The following MTMR12 variants were observed in gnomAD, a reference collection of about 807,000 sequenced individuals.
The protein encoded by MTMR12 is myotubularin-related protein 12.
A neutral mutation model predicts 96.7 loss-of-function variants in MTMR12; 33 were observed. The ratio of observed to expected loss-of-function variants is 0.34; its 90% CI spans 0.26 to 0.46. The LOEUF (loss-of-function observed/expected upper bound fraction) is 0.46. Among genes scored for constraint, MTMR12 ranks in the 20% least tolerant of loss-of-function variants. The pLI, the probability that MTMR12 is intolerant of heterozygous loss-of-function variation, is 1.00. For missense variants in MTMR12, 721 were observed against 896.1 expected (o/e 0.80, Z 2.49); for synonymous variants, 298 against 327.2 (o/e 0.91, Z 0.96).
At chr5:32,259,750 C>T (rs946919136) in intron 7 of MTMR12, among the ~76,000 whole-genome samples, 1 of 152,082 alleles carries the variant, frequency 6.6e-6, no homozygotes, top group Non-Finnish European at 1.5e-5. Context: ...TAAGTGGTAC[C>T]TGGGGCTGGG....
At chr5:32,273,616 A>C (rs931350595) in intron 3 of MTMR12, among the ~76,000 whole-genome samples, 12 of 152,196 alleles carry the variant, frequency 7.9e-5, no homozygotes, top group Non-Finnish European at 1.6e-4. Flanking sequence ...CCAGTATGAC[A>C]TGAGGCACGG....
chr5:32,258,623 A>C (rs943643300), intron 7 of MTMR12, among the ~76,000 whole-genome samples: 2 of 152,200 alleles, frequency 1.3e-5, no homozygotes, highest in Non-Finnish European at 2.9e-5. Flanking sequence ...CAGATTCTGA[A>C]TATTAGACAA....
Position 32,273,260 on chromosome 5 carries a change from C to T in MTMR12, c.285+720G>A, listed in dbSNP as rs58433883. 7.3e-3 allele frequency among the ~76,000 whole-genome samples: 1,115 copies of T among 152,154 alleles called. 19 individuals are homozygous for T. Among genetic ancestry groups the T allele is most frequent in the African/African-American group, 0.026 (1,078 of 41,528 alleles). On this transcript the variant is annotated intron_variant, in intron 3 of 15. Transcript: ENST00000382142. ...ACCAAAAATAACAAAATTAGCCAGG[C>T]GTGAATGTCACACGCCTATGGTCCT...
At chr5:32,308,836 C>T (rs1751460041) in intron 1 of MTMR12, among the ~76,000 whole-genome samples, 1 of 152,128 alleles carries the variant, frequency 6.6e-6, no homozygotes, top group South Asian at 2.1e-4. Context: ...ATCTCTTGGC[C>T]TCATGATCCA....
chr5:32,290,839 C>T (rs183055444), intron 1 of MTMR12, among the ~76,000 whole-genome samples: 10 of 152,306 alleles, frequency 6.6e-5, no homozygotes, highest in East Asian at 1.9e-4. Context: ...CTGCAGATAA[C>T]GACTCTCCTT....
intron 13 of MTMR12, 49 bp from the exon 14 acceptor site, chr5:32,235,178 C>A (rs1162104729): frequency 1.9e-6 from 3 of 1,561,308 alleles, no homozygotes; most frequent in Non-Finnish European, 2.6e-6. Context: ...CCAGAGCAAG[C>A]CATCCTGAGT....
In MTMR12 at chr5:32,273,312, G is replaced by T. The variant is rs568204366; in HGVS notation, c.285+668C>A. Among the ~76,000 whole-genome samples the T allele has an allele frequency of 4.6e-5, 7 of 152,174 alleles. No individual in the cohort carries two copies. In the South Asian group the frequency reaches 1.5e-3, roughly 32 times the overall value. ...GCTACTCAGGAGGCTGAGGTGGGAG[G>T]ATTACTGGAGCCACGACTACGCCAC... On this transcript the variant is annotated intron_variant, in intron 3 of 15. Transcript: ENST00000382142.
chr5:32,239,510 A>T (rs1748379852), intron 12 of MTMR12, among the ~76,000 whole-genome samples: 1 of 152,216 alleles, frequency 6.6e-6, no homozygotes. Flanking sequence ...AATCACCCAC[A>T]TAATGATGAC....
intron 1 of MTMR12, among the ~76,000 whole-genome samples, chr5:32,309,090 T>A (rs1329185456): frequency 6.6e-6 from 1 of 152,116 alleles, no homozygotes; most frequent in African/African-American, 2.4e-5. Flanking sequence ...TATTTTAGAC[T>A]GAACCACTCC....
At chr5:32,245,169 G>GCCA (rs1748631974) in intron 10 of MTMR12, among the ~76,000 whole-genome samples, 1 of 152,126 alleles carries the variant, frequency 6.6e-6, no homozygotes, top group Non-Finnish European at 1.5e-5. Flanking sequence ...CGGAGTAGCT[G>GCCA]GCATTACAGG....
rs1561727880 is a variant in MTMR12 at position 32,228,619 on chromosome 5, TATATATATATCA to T, written c.*1147_*1158del. 3.1e-5 allele frequency: 4 copies of T among 129,972 alleles called. No individual in the cohort carries two copies. The highest frequency in any genetic ancestry group is 1.1e-4 in the African/African-American group (4 of 35,212). 8.1% of individuals were successfully genotyped at this position (129,972 alleles called of 1,614,324 possible). A position where few individuals can be genotyped will look rare whatever the true frequency, so the allele number is the denominator to read the frequency against. ...ATATATATATATATCATATATATGA[TATATATATATCA>T]CATATATATCATATATATATCATTT... On this transcript the variant is annotated 3_prime_UTR_variant, in exon 16 of 16. Transcript: ENST00000382142.
At chr5:32,303,443 C>A (rs1356268550) in intron 1 of MTMR12, among the ~76,000 whole-genome samples, 1 of 152,108 alleles carries the variant, frequency 6.6e-6, no homozygotes, top group Non-Finnish European at 1.5e-5. Context: ...TTTCCACCTC[C>A]CCTATTCCTC....
At chr5:32,256,130 A>C (rs1475247869) in intron 7 of MTMR12, among the ~76,000 whole-genome samples, 2 of 152,234 alleles carry the variant, frequency 1.3e-5, no homozygotes, top group African/African-American at 4.8e-5. Flanking sequence ...TAGCCATATA[A>C]GCACCTGTGT....
chr5:32,249,960 G>C (rs1049510957), intron 8 of MTMR12, among the ~76,000 whole-genome samples: 1 of 152,196 alleles, frequency 6.6e-6, no homozygotes, highest in African/African-American at 2.4e-5. Context: ...CCATTGGCCT[G>C]GGCTCAAAGA....
At chr5:32,261,356 G>A (rs1434587768) in intron 7 of MTMR12, among the ~76,000 whole-genome samples, 4 of 151,892 alleles carry the variant, frequency 2.6e-5, no homozygotes. Context: ...CCCCATCCCT[G>A]GGCACCTTGC....
chr5:32,234,779 G>A (rs1748142639), intron 14 of MTMR12, 183 bp downstream of exon 14: 4 of 502,172 alleles, frequency 8.0e-6, no homozygotes, highest in Non-Finnish European at 1.0e-5. Context: ...AATATGGAAC[G>A]TCTCATGAGT....
intron 1 of MTMR12, among the ~76,000 whole-genome samples, chr5:32,301,614 G>A (rs1751144144): frequency 6.6e-6 from 1 of 152,204 alleles, no homozygotes; most frequent in Non-Finnish European, 1.5e-5. Context: ...GCAAAGGCTG[G>A]GCGCAGTGGC....
chr5:32,303,470 G>C (rs1330517624), intron 1 of MTMR12, among the ~76,000 whole-genome samples: 1 of 152,024 alleles, frequency 6.6e-6, no homozygotes, highest in African/African-American at 2.4e-5. Flanking sequence ...AAGCCAACAG[G>C]AGATTAGAGA....
intron 1 of MTMR12, chr5:32,309,776 C>G (rs1452118600): frequency 1.3e-5 from 2 of 151,704 alleles, no homozygotes; most frequent in African/African-American, 4.9e-5. Flanking sequence ...TTTAACAAAC[C>G]CTTAAATGTT....
Sources: gnomAD v4.1 joint callset for allele counts (sites outside exome capture counted in the v4.1 genomes callset) on GRCh38, gnomAD v4.1.1 for gene constraint, MANE v1.5 for transcripts, NCBI Gene and HGNC (gene_info 2026-07-23, HGNC 2026-07-21) for gene names.